Variants in EGFLAM observed in about 807,000 individuals in gnomAD.
EGFLAM encodes pikachurin.
In EGFLAM, 79 loss-of-function variants were observed where a neutral mutation model predicts 113.1. That is an observed-to-expected ratio of 0.70 (90% CI 0.58 to 0.84). The LOEUF (loss-of-function observed/expected upper bound fraction) is 0.84. Ranked by LOEUF, EGFLAM falls within the 40% of genes least tolerant of loss-of-function variation. The pLI is 0.00. For synonymous variants in EGFLAM, 504 were observed against 487.6 expected, an observed-to-expected ratio of 1.03 and a Z score of -0.44; for missense variants, 1,265 against 1,291.6, an observed-to-expected ratio of 0.98 and a Z score of 0.32.
chr5:38,297,551 G>T (rs1758476434), intron 1 of EGFLAM, among the ~76,000 whole-genome samples: 1 of 152,136 alleles, frequency 6.6e-6, no homozygotes, highest in South Asian at 2.1e-4. Context: ...CTGCACTGTG[G>T]ATTTTGGAAT....
intron 5 of EGFLAM, among the ~76,000 whole-genome samples, chr5:38,357,721 G>T (rs552006103): frequency 9.9e-5 from 15 of 152,220 alleles, no homozygotes; most frequent in African/African-American, 3.4e-4. Context: ...TGAAGTTCTT[G>T]TCTACATTCT....
At chr5:38,294,541 G>A (rs116577726) in intron 1 of EGFLAM, among the ~76,000 whole-genome samples, 1,841 of 152,098 alleles carry the variant, frequency 0.012, 15 homozygotes, top group Non-Finnish European at 0.018. Context: ...AAATACACAG[G>A]TGTTGTATAA....
chr5:38,365,781 G>T (rs1485965926), intron 5 of EGFLAM, among the ~76,000 whole-genome samples: 1 of 152,066 alleles, frequency 6.6e-6, no homozygotes, highest in Non-Finnish European at 1.5e-5. Flanking sequence ...ATGTGCATAG[G>T]TATATTTACT....
intron 3 of EGFLAM, among the ~76,000 whole-genome samples, chr5:38,348,936 T>A (rs2111977572): frequency 6.6e-6 from 1 of 152,264 alleles, no homozygotes; most frequent in Non-Finnish European, 1.5e-5. Flanking sequence ...AGACTCCTGG[T>A]TCTGTCCCCT....
intron 5 of EGFLAM, among the ~76,000 whole-genome samples, chr5:38,356,872 T>G (rs906609766): frequency 1.3e-5 from 2 of 152,206 alleles, no homozygotes; most frequent in Non-Finnish European, 1.5e-5. Flanking sequence ...ATGGTCTCAA[T>G]GTTTATGTCC....
intron 5 of EGFLAM, among the ~76,000 whole-genome samples, chr5:38,365,274 G>T (rs13436181): frequency 0.29 from 44,150 of 152,010 alleles, 6,839 homozygotes; most frequent in African/African-American, 0.39. Context: ...ATAGTAAAAA[G>T]GAGAATCGGT....
chr5:38,398,526 A>C (rs1004225842), intron 6 of EGFLAM, among the ~76,000 whole-genome samples: 1 of 152,256 alleles, frequency 6.6e-6, no homozygotes, highest in Non-Finnish European at 1.5e-5. Flanking sequence ...GCACAGAAAT[A>C]TAAAAGAATT....
At chr5:38,321,608 T>G (rs1738743461) in intron 1 of EGFLAM, among the ~76,000 whole-genome samples, 1 of 152,224 alleles carries the variant, frequency 6.6e-6, no homozygotes, top group South Asian at 2.1e-4. Context: ...GTGCTGCCAC[T>G]GTCTCCAGCG....
At chr5:38,371,543 C>T (rs147807162) in intron 6 of EGFLAM, among the ~76,000 whole-genome samples, 42 of 152,186 alleles carry the variant, frequency 2.8e-4, no homozygotes, top group African/African-American at 9.4e-4. Flanking sequence ...CCTTGAATGT[C>T]GGGTCGCCTT....
rs116785068 is a variant in EGFLAM, at chr5:38,358,753, C to T, written c.545+6422C>T. The stretch of plus-strand genomic sequence containing the variant: ...GTGGCAGGAATCTTCATGATCCCCC[C>T]CAAAGTTGGTCTGGAGGCTATTTGT... On this transcript the variant is annotated intron_variant, in intron 5 of 21. Transcript: ENST00000322350. Among the ~76,000 whole-genome samples the T allele has an allele frequency of 4.0e-3, 613 of 152,210 alleles. 1 individual carries two copies. The highest frequency in any genetic ancestry group is 5.6e-3 in the Non-Finnish European group (383 of 68,008).
At chr5:38,401,331 A>C (rs2112111511) in intron 6 of EGFLAM, 1 of 152,088 alleles carries the variant, frequency 6.6e-6, no homozygotes, top group East Asian at 1.9e-4. Flanking sequence ...ACTTGATGCC[A>C]AAAAAAATTG....
intron 17 of EGFLAM, among the ~76,000 whole-genome samples, chr5:38,447,951 T>A (rs1463210128): frequency 1.3e-5 from 2 of 152,190 alleles, no homozygotes. Context: ...GGAGAACATC[T>A]GGGGTTATCC....
chr5:38,357,220 C>T (rs1334399797), intron 5 of EGFLAM, among the ~76,000 whole-genome samples: 4 of 152,170 alleles, frequency 2.6e-5, no homozygotes, highest in Admixed American at 6.5e-5. Flanking sequence ...CATGTCACTA[C>T]ACTCTAGCCT....
chr5:38,280,562 A>G (rs1228377751), intron 1 of EGFLAM, among the ~76,000 whole-genome samples: 1 of 152,052 alleles, frequency 6.6e-6, no homozygotes, highest in African/African-American at 2.4e-5. Context: ...CTCTACAACT[A>G]CATACAGCCC....
At position 38,412,460 on chromosome 5, in the gene EGFLAM, C is replaced by CCTG. The variant is rs753418197; in HGVS notation, c.1350-43_1350-41dup. On this transcript the variant is annotated intron_variant, in intron 10 of 21. Transcript: ENST00000322350. ...TCCACGGAATCTGAAAACATAATGG[C>CCTG]CTGGTTCGTCAAGAAATCTTCTTTT... The CCTG allele has an allele frequency of 2.3e-5, 37 of 1,613,728 alleles. No homozygotes were observed. The East Asian group carries it at 7.6e-4, about 33-fold the overall frequency.
intron 5 of EGFLAM, among the ~76,000 whole-genome samples, chr5:38,369,496 C>T (rs1248440423): frequency 6.6e-6 from 1 of 152,136 alleles, no homozygotes; most frequent in East Asian, 1.9e-4. Flanking sequence ...ATGTCTGGTA[C>T]CTGCTGAGTG....
intron 1 of EGFLAM, among the ~76,000 whole-genome samples, chr5:38,292,077 A>G (rs1030425287): frequency 6.6e-6 from 1 of 152,196 alleles, no homozygotes; most frequent in African/African-American, 2.4e-5. Flanking sequence ...AGCCCAAGAC[A>G]GAAACTTCTG....
intron 3 of EGFLAM, among the ~76,000 whole-genome samples, chr5:38,342,623 A>G (rs1739365054): frequency 6.6e-6 from 1 of 152,164 alleles, no homozygotes; most frequent in Admixed American, 6.5e-5. Context: ...TCTTTTTCTT[A>G]AAATAATACC....
intron 13 of EGFLAM, 38 bp downstream of exon 13, chr5:38,425,130 A>G: frequency 1.2e-6 from 2 of 1,604,438 alleles, no homozygotes; most frequent in Non-Finnish European, 1.7e-6. Flanking sequence ...TTCTATCTGC[A>G]TGTTAATTTG....
Sources: allele counts gnomAD v4.1 joint callset (sites outside exome capture counted in the v4.1 genomes callset), GRCh38; gene constraint gnomAD v4.1.1; transcripts MANE v1.5; gene names NCBI Gene and HGNC (gene_info 2026-07-23, HGNC 2026-07-21).